Variants in CBFA2T3 observed in about 807,000 individuals in gnomAD.
The protein encoded by CBFA2T3 is CBFA2/RUNX1 partner transcriptional co-repressor 3, also known as transcriptional corepressor CBFA2T3.
Under a neutral mutation model 58.6 loss-of-function variants are expected in CBFA2T3, and 31 were observed. The observed-to-expected ratio is 0.53, with a 90% CI of 0.40 to 0.71. CBFA2T3 has a LOEUF of 0.71. CBFA2T3 is among the 30% of genes least tolerant of loss of function. CBFA2T3 has a pLI of 0.00. For missense variants in CBFA2T3, 1,076 were observed against 963.1 expected, an observed-to-expected ratio of 1.12 and a Z score of -1.55; for synonymous variants, 531 against 421.9, an observed-to-expected ratio of 1.26 and a Z score of -3.17.
intron 3 of CBFA2T3, among the ~76,000 whole-genome samples, chr16:88,896,473 A>G (rs12446297): frequency 0.19 from 28,849 of 152,002 alleles, 2,931 homozygotes; most frequent in East Asian, 0.46. Flanking sequence ...GGACGCTGAC[A>G]CAGGATGCAC....
intron 1 of CBFA2T3, among the ~76,000 whole-genome samples, chr16:88,905,391 G>C (rs1970270352): frequency 6.6e-6 from 1 of 152,010 alleles, no homozygotes; most frequent in Admixed American, 6.5e-5. Context: ...CCCCAGGAGA[G>C]GCTGCCCCGC....
At position 88,885,673 on chromosome 16, in the gene CBFA2T3, C is replaced by T. The variant is rs1291123453; in HGVS notation, c.893+288G>A. 5.6e-5 allele frequency: 26 copies of T among 464,040 alleles called. No homozygotes were observed. Among genetic ancestry groups the T allele is most frequent in the South Asian group, 4.9e-4 (17 of 34,458 alleles). The allele number at this position is 464,040 out of a possible 1,614,324, so 28.7% of individuals were successfully genotyped here. A position where few individuals can be genotyped will look rare whatever the true frequency, so the allele number is the denominator to read the frequency against. On this transcript the variant is annotated intron_variant, in intron 6 of 11. Transcript: ENST00000268679. The surrounding 1 kb of genome is among the most constrained non-coding windows in gnomAD (Gnocchi z 5.3). ...GCACCTGGGGACCATGGACCCCGGA[C>T]GCTCGGAGTCCATGCCCGGCACACA...
chr16:88,925,123 G>A (rs185745837), intron 1 of CBFA2T3, among the ~76,000 whole-genome samples: 2 of 152,354 alleles, frequency 1.3e-5, no homozygotes, highest in African/African-American at 4.8e-5. Flanking sequence ...CCTGGACACC[G>A]AGCTCGCTGA....
intron 7 of CBFA2T3, 60 bp from the exon 8 acceptor site, chr16:88,882,821 C>T (rs1021700340): frequency 2.0e-5 from 23 of 1,166,728 alleles, no homozygotes; most frequent in Non-Finnish European, 2.9e-5. Flanking sequence ...GCCCTATTCT[C>T]CCAGACCCCG....
chr16:88,876,076 A>G lies in CBFA2T3; in HGVS notation c.*900T>C, dbSNP rs1968819433. ...AGACCCACATCCAAACAAACCCAAG[A>G]GCAAGTGAAACAGTGAAAAAAATAC... On this transcript the variant is annotated 3_prime_UTR_variant, in exon 12 of 12. Coordinates refer to ENST00000268679, the MANE Select transcript of CBFA2T3 (RefSeq NM_005187.6). 1 of 232,982 alleles carries G rather than the reference A, an allele frequency of 4.3e-6. No individual in the cohort carries two copies. The highest frequency in any genetic ancestry group is 8.5e-6 in the Non-Finnish European group (1 of 117,722). The allele number at this position is 232,982 out of a possible 1,614,324, so 14.4% of individuals were successfully genotyped here. A position where few individuals can be genotyped will look rare whatever the true frequency, so the allele number is the denominator to read the frequency against.
At chr16:88,897,958 C>A in intron 3 of CBFA2T3, 120 bp downstream of exon 3, 1 of 760,714 alleles carries the variant, frequency 1.3e-6, no homozygotes, top group Non-Finnish European at 2.3e-6. Flanking sequence ...AGAGGCAATG[C>A]TGAGGGTGCG....
In CBFA2T3 at chr16:88,901,639, C is replaced by T; in HGVS notation, c.169G>A (p.Ala57Thr). The change falls in exon 2 of 12, where the codon GCT (alanine) becomes ACT (threonine). Residue 57 changes from alanine to threonine, a missense_variant. Physicochemically the swap from Ala to Thr is moderately conservative, Grantham distance 58 (BLOSUM62 0). Coordinates refer to ENST00000268679, the MANE Select transcript of CBFA2T3 (RefSeq NM_005187.6). ...KGGPAPVDRK[A>T]KASAMPDSPA... ...GAGTCCGGCATCGCTGAGGCCTTAGCTTTCCTGTCCACTGGGGCTGCGACC... is the reference window on the plus strand; with the variant it reads ...GAGTCCGGCATCGCTGAGGCCTTAGTTTTCCTGTCCACTGGGGCTGCGACC... The T allele has an allele frequency of 6.5e-7, 1 of 1,531,882 alleles. No homozygotes were observed. The highest frequency in any genetic ancestry group is 8.7e-7 in the Non-Finnish European group (1 of 1,150,650). 94.9% of individuals were successfully genotyped at this position (1,531,882 alleles called of 1,614,324 possible).
intron 1 of CBFA2T3, among the ~76,000 whole-genome samples, chr16:88,963,769 C>T (rs1276579124): frequency 6.6e-6 from 1 of 152,266 alleles, no homozygotes; most frequent in East Asian, 1.9e-4. Context: ...GCCAGGCACA[C>T]AGCGGCCCGA....
In CBFA2T3 at chr16:88,901,591, G is replaced by C. The variant is rs749396042; in HGVS notation, c.217C>G (p.Pro73Ala). Residue 73 changes from proline to alanine, a missense_variant, in exon 2 of 12, where the codon CCC becomes GCC. Coordinates refer to ENST00000268679, the MANE Select transcript of CBFA2T3 (RefSeq NM_005187.6). ...PDSPAEVKTQ[P>A]RSTPPSMPPP... ...GGCATGCTGGGGGGTGTGGACCGGG[G>C]CTGCGTCTTCACCTCCGCTGGGGAG... 2.0e-6 allele frequency: 3 copies of C among 1,515,426 alleles called. No individual in the cohort carries two copies. In the African/African-American group the frequency reaches 4.4e-5, roughly 22 times the overall value. The allele number at this position is 1,515,426 out of a possible 1,614,324, so 93.9% of individuals were successfully genotyped here.
In CBFA2T3 at chr16:88,953,242, C is replaced by G. The variant is rs924737729; in HGVS notation, c.151+23415G>C. Among the ~76,000 whole-genome samples, 1 of 152,166 alleles carries G rather than the reference C, an allele frequency of 6.6e-6. No homozygotes were observed. Among genetic ancestry groups the G allele is most frequent in the Non-Finnish European group, 1.5e-5 (1 of 68,028 alleles). ...CCAGACCCGCTCCCGGTGGAGAGGC[C>G]GAGGGACCCTCATTTCTACGTTTGC... On this transcript the variant is annotated intron_variant, in intron 1 of 11. Coordinates refer to ENST00000268679, the MANE Select transcript of CBFA2T3 (RefSeq NM_005187.6). This position sits in a 1 kb window ranked among gnomAD's most constrained non-coding sequence, Gnocchi z 4.9.
chr16:88,909,068 G>C (rs1028876658), intron 1 of CBFA2T3, among the ~76,000 whole-genome samples: 1 of 152,224 alleles, frequency 6.6e-6, no homozygotes, highest in Non-Finnish European at 1.5e-5. Context: ...CCCAGGCAGG[G>C]GAGGAGGAGG....
At chr16:88,895,176 G>T (rs1209389132) in intron 3 of CBFA2T3, among the ~76,000 whole-genome samples, 31 of 152,212 alleles carry the variant, frequency 2.0e-4, no homozygotes, top group Non-Finnish European at 4.4e-5. Flanking sequence ...GGCCTGGACT[G>T]GAAGGGGCCG....
In CBFA2T3 at chr16:88,901,523, G is replaced by C. The variant is rs1455845968; in HGVS notation, c.285C>G (p.Pro95=). ...PAASQGATRP[P]SFTPHTHRED... ...ACTTACGTGTGTGTGGCGTGAAGGAGGGGGGGCGTGTGGCCCCCTGGGATG... is the reference window on the plus strand; with the variant it reads ...ACTTACGTGTGTGTGGCGTGAAGGACGGGGGGCGTGTGGCCCCCTGGGATG... The change falls in exon 2 of 12, where the codon CCC becomes CCG. Residue 95 remains proline (P), a synonymous_variant. Coordinates refer to ENST00000268679, the MANE Select transcript of CBFA2T3 (RefSeq NM_005187.6). 2.1e-6 allele frequency: 3 copies of C among 1,463,292 alleles called. No homozygotes were observed. Among genetic ancestry groups the C allele is most frequent in the Admixed American group, 5.7e-5 (2 of 35,032 alleles). 90.6% of individuals were successfully genotyped at this position (1,463,292 alleles called of 1,614,324 possible). A position where few individuals can be genotyped will look rare whatever the true frequency, so the allele number is the denominator to read the frequency against.
chr16:88,931,151 C>T (rs1471479876), intron 1 of CBFA2T3, among the ~76,000 whole-genome samples: 1 of 152,074 alleles, frequency 6.6e-6, no homozygotes, highest in African/African-American at 2.4e-5. Flanking sequence ...TGCCTCTTCC[C>T]TGAGTTTGGG....
intron 1 of CBFA2T3, among the ~76,000 whole-genome samples, chr16:88,915,980 ATG>A (rs1210159686): frequency 2.0e-5 from 3 of 152,010 alleles, no homozygotes; most frequent in South Asian, 4.2e-4. Context: ...GTCTGTATTC[ATG>A]TGTGTCCATG....
chr16:88,961,240 G>A (rs1972345989), intron 1 of CBFA2T3, among the ~76,000 whole-genome samples: 1 of 152,164 alleles, frequency 6.6e-6, no homozygotes, highest in Admixed American at 6.5e-5. Flanking sequence ...CCAGACAGGG[G>A]GCGCACGGGG....
chr16:88,895,078 G>A (rs1334866717), intron 3 of CBFA2T3, among the ~76,000 whole-genome samples: 2 of 152,184 alleles, frequency 1.3e-5, no homozygotes, highest in African/African-American at 4.8e-5. Context: ...GGGACGTGGG[G>A]ACCTACATGC....
chr16:88,882,596 C>CTG (rs1303982528), intron 8 of CBFA2T3, 80 bp downstream of exon 8: 117 of 764,266 alleles, frequency 1.5e-4, no homozygotes, highest in Non-Finnish European at 2.3e-4. Flanking sequence ...GTGTGCATGG[C>CTG]TGTGTGTGCG....
At position 88,924,852 on chromosome 16, in the gene CBFA2T3, G is replaced by A. The variant is rs995305317; in HGVS notation, c.152-23196C>T. Among the ~76,000 whole-genome samples the A allele has an allele frequency of 5.3e-5, 8 of 152,348 alleles. No homozygotes were observed. The East Asian group carries it at 1.2e-3, about 22-fold the overall frequency. On this transcript the variant is annotated intron_variant, in intron 1 of 11. Transcript: ENST00000268679. ...AGGCGAGTCCTGCCCACAGCTTCGGGCTGATGGAGGCCGCTGCCACCGCCT... is the reference window on the plus strand; with the variant it reads ...AGGCGAGTCCTGCCCACAGCTTCGGACTGATGGAGGCCGCTGCCACCGCCT...
Sources: gnomAD v4.1 joint callset for allele counts (sites outside exome capture counted in the v4.1 genomes callset) on GRCh38, gnomAD v4.1.1 for gene constraint, Gnocchi (gnomAD v3.1) non-coding constraint, MANE v1.5 for transcripts, NCBI Gene and HGNC (gene_info 2026-07-23, HGNC 2026-07-21) for gene names.